CUX1: variants seen among roughly 807,000 people sequenced by gnomAD.
CUX1 encodes the protein cut like homeobox 1.
In CUX1, 31 loss-of-function variants were observed where a neutral mutation model predicts 158.8. The ratio of observed to expected loss-of-function variants is 0.20; its 90% CI spans 0.15 to 0.26. The LOEUF is 0.26. Among genes scored for constraint, CUX1 ranks in the 10% least tolerant of loss-of-function variants. The pLI, the probability that CUX1 is intolerant of heterozygous loss-of-function variation, is 1.00. For missense variants in CUX1, 1,589 were observed against 2,014.6 expected (o/e 0.79, Z 4.04); for synonymous variants, 879 against 862.1 (o/e 1.02, Z -0.34).
At chr7:102,017,082 T>A (rs927794516) in intron 2 of CUX1, among the ~76,000 whole-genome samples, 1 of 152,024 alleles carries the variant, frequency 6.6e-6, no homozygotes, top group Non-Finnish European at 1.5e-5. Flanking sequence ...GGTGGGTAGA[T>A]CACCTGAGGT....
intron 16 of CUX1, among the ~76,000 whole-genome samples, chr7:102,199,753 GA>G (rs1421283535): frequency 2.0e-5 from 3 of 152,226 alleles, no homozygotes; most frequent in African/African-American, 7.2e-5. Flanking sequence ...AGTGACTCAT[GA>G]GAAACATTGC....
intron 1 of CUX1, among the ~76,000 whole-genome samples, chr7:101,862,939 A>G (rs1021431891): frequency 1.3e-5 from 2 of 151,984 alleles, no homozygotes; most frequent in African/African-American, 2.4e-5. Context: ...TCAAATATAT[A>G]CCCAAACAGA....
rs1238537059 is a variant in CUX1, at chr7:102,253,379, G to A, written c.*4337G>A. On this transcript the variant is annotated 3_prime_UTR_variant, in exon 24 of 24. Coordinates refer to ENST00000292535, the MANE Select transcript of CUX1 (RefSeq NM_181552.4). ...TGTGGGCCTCGGCTGACTACTTTAA[G>A]ATTATGCCACAGCCAGGCCCTAAAA... 2 of 985,358 alleles carry A rather than the reference G, an allele frequency of 2.0e-6. No individual in the cohort carries two copies. The highest frequency in any genetic ancestry group is 2.3e-4 in the East Asian group (2 of 8,822). 61.0% of individuals were successfully genotyped at this position (985,358 alleles called of 1,614,324 possible).
intron 3 of CUX1, among the ~76,000 whole-genome samples, chr7:102,058,827 AG>A (rs1030205773): frequency 6.6e-6 from 1 of 152,154 alleles, no homozygotes; most frequent in Non-Finnish European, 1.5e-5. Flanking sequence ...GAGGTAGGAG[AG>A]GGGAGCATTA....
chr7:101,999,728 C>A (rs1408603341), intron 2 of CUX1, among the ~76,000 whole-genome samples: 1 of 152,190 alleles, frequency 6.6e-6, no homozygotes, highest in African/African-American at 2.4e-5. Context: ...GTCTGCACTG[C>A]CCCATACACA....
intron 12 of CUX1, among the ~76,000 whole-genome samples, chr7:102,190,815 G>C (rs1794192798): frequency 6.6e-6 from 1 of 152,036 alleles, no homozygotes; most frequent in South Asian, 2.1e-4. Context: ...CTGGTCTTGG[G>C]TGCCACCTCC....
intron 4 of CUX1, among the ~76,000 whole-genome samples, chr7:102,072,242 A>G (rs975408469): frequency 1.3e-5 from 2 of 152,242 alleles, no homozygotes; most frequent in African/African-American, 4.8e-5. Context: ...TCGGGTCTAA[A>G]TATCCCCTTG....
intron 2 of CUX1, among the ~76,000 whole-genome samples, chr7:101,954,751 G>A (rs1041788590): frequency 2.6e-5 from 4 of 152,214 alleles, no homozygotes; most frequent in Non-Finnish European, 4.4e-5. Flanking sequence ...ACAGCTGCTC[G>A]CAGGTGGCAT....
intron 3 of CUX1, among the ~76,000 whole-genome samples, chr7:102,035,748 A>T (rs1821358539): frequency 6.6e-6 from 1 of 151,826 alleles, no homozygotes; most frequent in Non-Finnish European, 1.5e-5. Context: ...GAAGGATATT[A>T]AAGGAGAGTT....
chr7:102,126,177 C>CTGTG (rs3988138), intron 8 of CUX1, among the ~76,000 whole-genome samples: 23,904 of 135,332 alleles, frequency 0.18, 2,303 homozygotes, highest in Middle Eastern at 0.22. Flanking sequence ...CCATTTCCGG[C>CTGTG]TGTGTGTGTG....
At chr7:102,041,444 G>A (rs532667037) in intron 3 of CUX1, among the ~76,000 whole-genome samples, 24 of 150,718 alleles carry the variant, frequency 1.6e-4, no homozygotes, top group Non-Finnish European at 3.2e-4. Context: ...AGAAGAGATG[G>A]GGTTTTACCA....
intron 14 of CUX1, among the ~76,000 whole-genome samples, chr7:102,269,117 TTTTTG>T (rs1486723728): frequency 5.5e-5 from 3 of 55,002 alleles, no homozygotes; most frequent in Admixed American, 2.2e-4. Context: ...TGTGTGGGTT[TTTTTG>T]TTTGTTTGTT....
In CUX1 at chr7:101,943,947, C is replaced by T. The variant is rs188717444; in HGVS notation, c.141+27722C>T. Among the ~76,000 whole-genome samples the T allele has an allele frequency of 6.1e-3, 828 of 135,542 alleles. 6 individuals are homozygous for T. The highest frequency in any genetic ancestry group is 0.022 in the African/African-American group (780 of 35,096). The allele number at this position is 135,542 out of a possible 152,430, so 88.9% of individuals were successfully genotyped here. On this transcript the variant is annotated intron_variant, in intron 2 of 23. Coordinates refer to ENST00000292535, the MANE Select transcript of CUX1 (RefSeq NM_181552.4). The stretch of plus-strand genomic sequence containing the variant: ...CAGCCTGGGCAACATAGCGAGACCG[C>T]GTCTCTATTTAAAAATTAAAAAAAA...
At chr7:102,010,769 G>C (rs1223149463) in intron 2 of CUX1, among the ~76,000 whole-genome samples, 6 of 152,212 alleles carry the variant, frequency 3.9e-5, no homozygotes, top group Non-Finnish European at 8.8e-5. Context: ...AAAGATGCCG[G>C]TTGTGCTTTG....
At chr7:102,023,218 C>T (rs1563143481) in intron 2 of CUX1, among the ~76,000 whole-genome samples, 1 of 152,042 alleles carries the variant, frequency 6.6e-6, no homozygotes, top group African/African-American at 2.4e-5. Context: ...CCATCCCCCT[C>T]CCCGCAAAAA....
At chr7:102,042,597 C>T (rs1822244640) in intron 3 of CUX1, among the ~76,000 whole-genome samples, 1 of 152,046 alleles carries the variant, frequency 6.6e-6, no homozygotes, top group South Asian at 2.1e-4. Context: ...TTGTTAAGAC[C>T]CTTTTGCTGT....
chr7:102,128,271 T>C (rs10272324), intron 8 of CUX1, among the ~76,000 whole-genome samples: 228 of 152,300 alleles, frequency 1.5e-3, no homozygotes, highest in African/African-American at 5.3e-3. Context: ...ATGACGTTTG[T>C]AGATGCCTCT....
intron 1 of CUX1, among the ~76,000 whole-genome samples, chr7:101,911,858 C>T (rs758738807): frequency 1.6e-4 from 24 of 152,240 alleles, no homozygotes; most frequent in Non-Finnish European, 2.4e-4. Flanking sequence ...GGACTGAAAC[C>T]TGACCCATGT....
Position 102,227,617 on chromosome 7 carries a change from C to T in CUX1, c.3381C>T (p.Asp1127=), listed in dbSNP as rs1554529119. 6.2e-7 allele frequency: 1 copy of T among 1,613,820 alleles called. No homozygotes were observed. The highest frequency in any genetic ancestry group is 1.3e-5 in the African/African-American group (1 of 74,926). ...QELVAMSPEL[D]TYGITKRVKE... ...TAGTAGCCATGTCCCCGGAGCTGGA[C>T]ACCTACGGCATAACCAAGCGGGTGA... Residue 1127 remains aspartate, a synonymous_variant, in exon 21 of 24, where the codon GAC becomes GAT. Coordinates refer to ENST00000292535, the MANE Select transcript of CUX1 (RefSeq NM_181552.4).
Sources: allele counts gnomAD v4.1 joint callset (sites outside exome capture counted in the v4.1 genomes callset), GRCh38; gene constraint gnomAD v4.1.1; transcripts MANE v1.5; gene names NCBI Gene and HGNC (gene_info 2026-07-23, HGNC 2026-07-21).